LRP1B: variants seen among roughly 807,000 people sequenced by gnomAD.
LRP1B encodes the protein LDL receptor related protein 1B.
A neutral mutation model predicts 556.6 loss-of-function variants in LRP1B; 217 were observed. That is an observed-to-expected ratio of 0.39 (90% CI 0.35 to 0.44). The LOEUF (loss-of-function observed/expected upper bound fraction) is 0.44, where lower values mean the gene tolerates loss of function less well. Among genes scored for constraint, LRP1B ranks in the 20% least tolerant of loss-of-function variants. LRP1B has a pLI of 1.00. For missense variants in LRP1B, 5,053 were observed against 5,620.8 expected, an observed-to-expected ratio of 0.90 and a Z score of 3.23; for synonymous variants, 2,047 against 1,865.8, an observed-to-expected ratio of 1.10 and a Z score of -2.50.
At chr2:140,985,138 A>T (rs181711322) in intron 17 of LRP1B, among the ~76,000 whole-genome samples, 4 of 152,060 alleles carry the variant, frequency 2.6e-5, no homozygotes, top group Admixed American at 2.6e-4. Context: ...GATTTGCTGT[A>T]ATCATGCTTC....
At chr2:141,418,546 T>C (rs536374329) in intron 3 of LRP1B, among the ~76,000 whole-genome samples, 1 of 152,052 alleles carries the variant, frequency 6.6e-6, no homozygotes, top group South Asian at 2.1e-4. Flanking sequence ...TTTGAGTATG[T>C]GTGGGTTTAT....
chr2:140,488,919 G>A, intron 57 of LRP1B, among the ~76,000 whole-genome samples: 1 of 151,942 alleles, frequency 6.6e-6, no homozygotes, highest in East Asian at 1.9e-4. Context: ...GGGAGAAAGA[G>A]GAAAGTAAAT....
intron 66 of LRP1B, among the ~76,000 whole-genome samples, chr2:140,438,269 T>C (rs1686274953): frequency 6.6e-6 from 1 of 152,196 alleles, no homozygotes; most frequent in Non-Finnish European, 1.5e-5. Context: ...CCTCCCAAAG[T>C]GCTGGGATTA....
chr2:141,117,149 C>G (rs898427112), intron 7 of LRP1B, among the ~76,000 whole-genome samples: 1 of 151,676 alleles, frequency 6.6e-6, no homozygotes, highest in Non-Finnish European at 1.5e-5. Context: ...ATCTCCATAT[C>G]AATATAACTG....
At chr2:141,188,284 G>A (rs1681350943) in intron 7 of LRP1B, 137 bp downstream of exon 7, 6 of 805,990 alleles carry the variant, frequency 7.4e-6, no homozygotes, top group Admixed American at 5.8e-5. Context: ...TCCTTCCTGC[G>A]ACACAGTTGT....
chr2:141,493,848 A>G (rs967067411), intron 2 of LRP1B, among the ~76,000 whole-genome samples: 2 of 152,188 alleles, frequency 1.3e-5, no homozygotes, highest in African/African-American at 4.8e-5. Flanking sequence ...ATGATCTCAC[A>G]TGCTTTGCCT....
intron 11 of LRP1B, among the ~76,000 whole-genome samples, chr2:141,031,386 T>C (rs1360379189): frequency 2.0e-5 from 3 of 151,802 alleles, no homozygotes; most frequent in Non-Finnish European, 4.4e-5. Flanking sequence ...GGATATTCTA[T>C]TATATTAATG....
At chr2:141,912,034 A>G (rs913573889) in intron 1 of LRP1B, among the ~76,000 whole-genome samples, 2 of 152,090 alleles carry the variant, frequency 1.3e-5, no homozygotes, top group South Asian at 2.1e-4. Context: ...TTTCTTCTCT[A>G]TGTAATGGAC....
At chr2:140,748,124 T>A (rs1425564334) in intron 35 of LRP1B, among the ~76,000 whole-genome samples, 4 of 67,474 alleles carry the variant, frequency 5.9e-5, no homozygotes, top group Non-Finnish European at 1.3e-4. Context: ...TATATATATA[T>A]ATATATATAT....
At chr2:141,646,650 G>A (rs982090459) in intron 2 of LRP1B, among the ~76,000 whole-genome samples, 35 of 152,152 alleles carry the variant, frequency 2.3e-4, no homozygotes, top group African/African-American at 7.7e-4. Context: ...TGGAAATGCA[G>A]GGAACCGTAT....
chr2:141,641,487 G>T (rs919622606), intron 2 of LRP1B, among the ~76,000 whole-genome samples: 1 of 152,256 alleles, frequency 6.6e-6, no homozygotes, highest in East Asian at 1.9e-4. Context: ...TTAGTGGACT[G>T]TAGAATCTAT....
At position 140,248,885 on chromosome 2, in the gene LRP1B, C is replaced by T. The variant is rs79301153; in HGVS notation, c.13248-1723G>A. Among the ~76,000 whole-genome samples, 436 of 149,690 alleles carry T rather than the reference C, an allele frequency of 2.9e-3. 3 individuals are homozygous for T. Among genetic ancestry groups the T allele is most frequent in the African/African-American group, 1.0e-2 (407 of 40,882 alleles). On this transcript the variant is annotated intron_variant, in intron 86 of 90. Coordinates refer to ENST00000389484, the MANE Select transcript of LRP1B (RefSeq NM_018557.3). Reference sequence around the variant, plus strand: ...ATCTGCCAAATTTTTCTAATTTACCCCCGAGAATATGTCATATGCTCCACT... The same window carrying T: ...ATCTGCCAAATTTTTCTAATTTACCTCCGAGAATATGTCATATGCTCCACT...
chr2:142,101,016 C>A (rs1369991883), intron 1 of LRP1B, among the ~76,000 whole-genome samples: 1 of 151,782 alleles, frequency 6.6e-6, no homozygotes, highest in Admixed American at 6.6e-5. Context: ...CGCACAGGTA[C>A]AATTATTTTA....
chr2:140,663,818 G>T (rs75701033), intron 41 of LRP1B, among the ~76,000 whole-genome samples: 1 of 152,020 alleles, frequency 6.6e-6, no homozygotes, highest in Non-Finnish European at 1.5e-5. Context: ...CTTTTATTGC[G>T]TTTCAACATG....
intron 1 of LRP1B, among the ~76,000 whole-genome samples, chr2:142,011,408 C>G (rs1447423261): frequency 1.3e-5 from 2 of 152,112 alleles, no homozygotes; most frequent in East Asian, 3.9e-4. Context: ...CATGATGATA[C>G]AATTTCTCAC....
At chr2:140,490,481 G>GA (rs1202825775) in intron 57 of LRP1B, among the ~76,000 whole-genome samples, 1 of 152,016 alleles carries the variant, frequency 6.6e-6, no homozygotes, top group African/African-American at 2.4e-5. Flanking sequence ...TGTGATATTA[G>GA]AATCAATCAT....
chr2:140,445,110 C>A (rs944743886), intron 63 of LRP1B, among the ~76,000 whole-genome samples: 1 of 151,656 alleles, frequency 6.6e-6, no homozygotes, highest in Non-Finnish European at 1.5e-5. Context: ...AATACATATT[C>A]TCTCTCTCTC....
At chr2:141,587,269 T>C (rs1687175279) in intron 2 of LRP1B, among the ~76,000 whole-genome samples, 1 of 152,194 alleles carries the variant, frequency 6.6e-6, no homozygotes, top group African/African-American at 2.4e-5. Flanking sequence ...TAAATTGTGC[T>C]AATAAATAGT....
intron 4 of LRP1B, among the ~76,000 whole-genome samples, chr2:141,251,976 T>C (rs1338822689): frequency 6.6e-6 from 1 of 152,036 alleles, no homozygotes; most frequent in African/African-American, 2.4e-5. Flanking sequence ...CAAACCCTTC[T>C]TCCTCTCCCA....
Sources: allele counts gnomAD v4.1 joint callset (sites outside exome capture counted in the v4.1 genomes callset), GRCh38; gene constraint gnomAD v4.1.1; transcripts MANE v1.5; gene names NCBI Gene and HGNC (gene_info 2026-07-23, HGNC 2026-07-21).